The following OXNAD1 variants were observed in gnomAD, a reference collection of about 807,000 sequenced individuals.
OXNAD1 encodes oxidoreductase NAD-binding domain-containing protein 1.
In OXNAD1, 34 loss-of-function variants were observed where a neutral mutation model predicts 32.9. That is an observed-to-expected ratio of 1.03 (90% CI 0.79 to 1.38). The LOEUF is 1.38. Among genes scored for constraint, OXNAD1 ranks in the 40% most tolerant of loss-of-function variants. The pLI is 0.00. For missense variants in OXNAD1, 407 were observed against 379.4 expected, an observed-to-expected ratio of 1.07 and a Z score of -0.60; for synonymous variants, 134 against 135.2, an observed-to-expected ratio of 0.99 and a Z score of 0.06.
At chr3:16,266,453 A>G (rs1224016274) in intron 1 of OXNAD1, among the ~76,000 whole-genome samples, 1 of 152,016 alleles carries the variant, frequency 6.6e-6, no homozygotes, top group African/African-American at 2.4e-5. Flanking sequence ...AAAAATACAC[A>G]AATTAGCCAG....
chr3:16,296,087 G>A (rs2066770273), intron 6 of OXNAD1, among the ~76,000 whole-genome samples: 1 of 152,188 alleles, frequency 6.6e-6, no homozygotes, highest in Admixed American at 6.5e-5. Flanking sequence ...TTTTGTGGCT[G>A]TAGAAGGCCC....
chr3:16,316,954 C>G lies in OXNAD1; in HGVS notation c.*30+13362C>G. On this transcript the variant is annotated intron_variant, in intron 9 of 9. Transcript: ENST00000435829. The surrounding 1 kb of genome is among the most constrained non-coding windows in gnomAD (Gnocchi z 4.5). ...CCCTGCTGTGGCTGGCAGGACCATT[C>G]TGCACAGCCTCACCCTCCACACCCA... The G allele has an allele frequency of 6.2e-7, 1 of 1,614,072 alleles. No homozygotes were observed. Among genetic ancestry groups the G allele is most frequent in the South Asian group, 1.1e-5 (1 of 91,074 alleles).
chr3:16,326,668 C>G, intron 9 of OXNAD1: 1 of 848,004 alleles, frequency 1.2e-6, no homozygotes, highest in Non-Finnish European at 1.8e-6. Context: ...CTACCAGCCT[C>G]TTGCACAGGA....
chr3:16,313,875 G>C (rs1240921829), intron 9 of OXNAD1, among the ~76,000 whole-genome samples: 2 of 152,256 alleles, frequency 1.3e-5, no homozygotes, highest in Non-Finnish European at 2.9e-5. Flanking sequence ...ATGCACTTCA[G>C]AGCAATGCAC....
At chr3:16,306,182 ATCTT>A (rs986513638), downstream of OXNAD1, 2 of 152,138 alleles carry the variant, frequency 1.3e-5, no homozygotes, top group Non-Finnish European at 2.9e-5. Context: ...TGATATTTGT[ATCTT>A]TCTCAGATTT....
At position 16,265,241 on chromosome 3, in the gene OXNAD1, C is replaced by T. The variant is rs564464852; in HGVS notation, c.-423C>T. 7.2e-5 allele frequency: 18 copies of T among 251,742 alleles called. No homozygotes were observed. Among genetic ancestry groups the T allele is most frequent in the Admixed American group, 4.0e-4 (8 of 19,754 alleles). The allele number at this position is 251,742 out of a possible 1,614,324, so 15.6% of individuals were successfully genotyped here. ...TCCAGGCGCCTGCAACTAAACGTGGCCGGGTCTGCAAGCTAGGTGCCAGCG... is the reference window on the plus strand; with the variant it reads ...TCCAGGCGCCTGCAACTAAACGTGGTCGGGTCTGCAAGCTAGGTGCCAGCG... On this transcript the variant is annotated 5_prime_UTR_variant, in exon 1 of 9. Coordinates refer to ENST00000285083, the MANE Select transcript of OXNAD1 (RefSeq NM_138381.5). This position sits in a 1 kb window ranked among gnomAD's most constrained non-coding sequence, Gnocchi z 4.8.
intron 4 of OXNAD1, among the ~76,000 whole-genome samples, chr3:16,278,712 G>C (rs1046669525): frequency 6.6e-6 from 1 of 152,156 alleles, no homozygotes; most frequent in Non-Finnish European, 1.5e-5. Flanking sequence ...CTGTTTAGAC[G>C]GACAAGGCTT....
chr3:16,321,503 G>A lies in OXNAD1; in HGVS notation c.*31-15609G>A, dbSNP rs578036303. On this transcript the variant is annotated intron_variant, in intron 9 of 9. Transcript: ENST00000435829. This position sits in a 1 kb window ranked among gnomAD's most constrained non-coding sequence, Gnocchi z 4.8. ...GTCACCAGGGGACACAGGCCTGTGG[G>A]AGTAGGACGCTGACCCTTGTCAGCT... Among the ~76,000 whole-genome samples the A allele has an allele frequency of 1.2e-4, 18 of 152,296 alleles. No individual in the cohort carries two copies. Among genetic ancestry groups the A allele is most frequent in the Non-Finnish European group, 2.2e-4 (15 of 68,012 alleles).
downstream of OXNAD1, among the ~76,000 whole-genome samples, chr3:16,350,483 G>C (rs1307242912): frequency 7.0e-6 from 1 of 143,446 alleles, no homozygotes; most frequent in Non-Finnish European, 1.5e-5. Flanking sequence ...CTCAAGCTGA[G>C]ATGAATCACT....
At chr3:16,307,742 T>C, downstream of OXNAD1, among the ~76,000 whole-genome samples, 1 of 21,132 alleles carries the variant, frequency 4.7e-5, no homozygotes, top group Non-Finnish European at 7.9e-5. Context: ...TTAAACTTTT[T>C]GTTTTGAAGT....
chr3:16,308,611 T>C (rs1192756821), downstream of OXNAD1, among the ~76,000 whole-genome samples: 1 of 152,196 alleles, frequency 6.6e-6, no homozygotes, highest in Non-Finnish European at 1.5e-5. This position sits in a 1 kb window ranked among gnomAD's most constrained non-coding sequence, Gnocchi z 4.4. Context: ...AGATGTCTGG[T>C]CTTTAATATT....
At chr3:16,324,235 T>C (rs2069421569) in intron 9 of OXNAD1, among the ~76,000 whole-genome samples, 1 of 152,232 alleles carries the variant, frequency 6.6e-6, no homozygotes, top group Non-Finnish European at 1.5e-5. Flanking sequence ...ACTGATTAAA[T>C]CAGGCTACTT....
In OXNAD1 at chr3:16,271,459, C is replaced by T. The variant is rs2064935962; in HGVS notation, c.120-200C>T. ...CGTCAGATGATCTGCCTGCCTCGGC[C>T]TCCCAAAGTGCTGAGATTACAGGCA... On this transcript the variant is annotated intron_variant, in intron 3 of 8. Coordinates refer to ENST00000285083, the MANE Select transcript of OXNAD1 (RefSeq NM_138381.5). This position sits in a 1 kb window ranked among gnomAD's most constrained non-coding sequence, Gnocchi z 4.6. 6.6e-6 allele frequency among the ~76,000 whole-genome samples: 1 copy of T among 152,218 alleles called. No homozygotes were observed. The highest frequency in any genetic ancestry group is 1.5e-5 in the Non-Finnish European group (1 of 68,046).
chr3:16,314,427 T>C lies in OXNAD1; in HGVS notation c.*30+10835T>C, dbSNP rs1482342967. 1 of 152,192 alleles carries C rather than the reference T, an allele frequency of 6.6e-6. No individual in the cohort carries two copies. The highest frequency in any genetic ancestry group is 1.5e-5 in the Non-Finnish European group (1 of 68,034). 9.4% of individuals were successfully genotyped at this position (152,192 alleles called of 1,614,324 possible). On this transcript the variant is annotated intron_variant, in intron 9 of 9. Coordinates refer to the OXNAD1 transcript ENST00000435829. This position sits in a 1 kb window ranked among gnomAD's most constrained non-coding sequence, Gnocchi z 4.4. ...GTGGCCAGTGGTATTCAACTTTGGCTGCACCTAGAGTCCTCTGGGAGCTTT... is the reference window on the plus strand; with the variant it reads ...GTGGCCAGTGGTATTCAACTTTGGCCGCACCTAGAGTCCTCTGGGAGCTTT...
At chr3:16,307,108 ATGCT>A (rs1404474776), downstream of OXNAD1, among the ~76,000 whole-genome samples, 1 of 152,154 alleles carries the variant, frequency 6.6e-6, no homozygotes, top group African/African-American at 2.4e-5. Context: ...GGCAGTATTG[ATGCT>A]TGATTTCTTT....
intron 2 of OXNAD1, among the ~76,000 whole-genome samples, chr3:16,269,857 A>G (rs2064803525): frequency 1.3e-5 from 2 of 152,254 alleles, no homozygotes; most frequent in South Asian, 2.1e-4. Flanking sequence ...TTTATTCTCA[A>G]GGTAACTAAG....
downstream of OXNAD1, among the ~76,000 whole-genome samples, chr3:16,306,314 G>C (rs2125110438): frequency 6.6e-6 from 1 of 152,242 alleles, no homozygotes; most frequent in Non-Finnish European, 1.5e-5. Context: ...CAGCTTCTTT[G>C]TGGGGGTGTT....
chr3:16,303,765 T>A lies in OXNAD1; in HGVS notation c.*203T>A. On this transcript the variant is annotated 3_prime_UTR_variant, in exon 9 of 9. Transcript: ENST00000285083. This position sits in a 1 kb window ranked among gnomAD's most constrained non-coding sequence, Gnocchi z 4.8. ...TGCAAAGACCTCAGTGATCAAACTA[T>A]TTTTTACTATACTGATTTTCTGTTA... The A allele has an allele frequency of 2.2e-6, 1 of 462,330 alleles. No individual in the cohort carries two copies. The highest frequency in any genetic ancestry group is 3.8e-6 in the Non-Finnish European group (1 of 264,018). The allele number at this position is 462,330 out of a possible 1,614,324, so 28.6% of individuals were successfully genotyped here.
At chr3:16,275,170 C>A in intron 4 of OXNAD1, 1 of 172,590 alleles carries the variant, frequency 5.8e-6, no homozygotes, top group South Asian at 1.5e-4. Context: ...AGACTTCAGT[C>A]TACCTATAGT....
Sources: allele counts gnomAD v4.1 joint callset (sites outside exome capture counted in the v4.1 genomes callset), GRCh38; gene constraint gnomAD v4.1.1; non-coding constraint Gnocchi (gnomAD v3.1); transcripts MANE v1.5; gene names NCBI Gene and HGNC (gene_info 2026-07-23, HGNC 2026-07-21).